MDM4: variants seen among roughly 807,000 people sequenced by gnomAD.
MDM4 encodes protein Mdm4.
A neutral mutation model predicts 60.2 loss-of-function variants in MDM4; 2 were observed. That is an observed-to-expected ratio of 0.03 (90% CI 0.01 to 0.10). MDM4 has a LOEUF of 0.10. Ranked by LOEUF, MDM4 falls within the 10% of genes least tolerant of loss-of-function variation. MDM4 has a pLI of 1.00. For synonymous variants in MDM4, 202 were observed against 198.1 expected (o/e 1.02, Z -0.17); for missense variants, 447 against 577.5 (o/e 0.77, Z 2.32).
rs1474497547 is a variant in MDM4 at position 204,549,594 on chromosome 1, A to G, written c.1385A>G (p.His462Arg). Residue 462 changes from histidine (H) to arginine (R), a missense_variant, in exon 11 of 11, where the codon CAC (histidine) becomes CGC (arginine). This residue lies in a region of MDM4 where 26 missense variants were observed against 70.0 expected (regional missense o/e 0.37). Transcript: ENST00000367182. ...ACGGGCCATCTTGTCACTTGTTTTC[A>G]CTGTGCCAGAAGACTAAAGAAGGCT... ...GRTGHLVTCF[H>R]CARRLKKAGA... 2 of 1,612,882 alleles carry G rather than the reference A, an allele frequency of 1.2e-6. No individual in the cohort carries two copies. Among genetic ancestry groups the G allele is most frequent in the Admixed American group, 1.7e-5 (1 of 59,776 alleles).
chr1:204,532,773 G>T, intron 5 of MDM4: 1 of 1,609,820 alleles, frequency 6.2e-7, no homozygotes, highest in Non-Finnish European at 8.5e-7. Flanking sequence ...TTGAAGAAAT[G>T]GGTCATTTGT....
At chr1:204,545,774 A>C (rs1416964726) in intron 9 of MDM4, among the ~76,000 whole-genome samples, 3 of 152,122 alleles carry the variant, frequency 2.0e-5, no homozygotes, top group Non-Finnish European at 4.4e-5. Context: ...TGGTCCTTCC[A>C]CTTCAGCCTC....
chr1:204,522,430 GCT>G (rs1178412551), intron 1 of MDM4, among the ~76,000 whole-genome samples: 2 of 142,112 alleles, frequency 1.4e-5, no homozygotes, highest in Non-Finnish European at 3.0e-5. Context: ...AAACAATCTT[GCT>G]CTGTCACCAG....
chr1:204,537,550 G>A, intron 6 of MDM4, 53 bp downstream of exon 6: 1 of 1,297,634 alleles, frequency 7.7e-7, no homozygotes, highest in Non-Finnish European at 1.1e-6. Flanking sequence ...CCCCTTCTCT[G>A]TACCTATGGA....
Position 204,553,130 on chromosome 1 carries a change from C to T in MDM4, c.*3448C>T, listed in dbSNP as rs563689783. The T allele has an allele frequency of 1.8e-4, 32 of 177,098 alleles. No homozygotes were observed. Among genetic ancestry groups the T allele is most frequent in the African/African-American group, 7.1e-4 (30 of 42,370 alleles). The allele number at this position is 177,098 out of a possible 1,614,324, so 11.0% of individuals were successfully genotyped here. A position where few individuals can be genotyped will look rare whatever the true frequency, so the allele number is the denominator to read the frequency against. On this transcript the variant is annotated 3_prime_UTR_variant, in exon 11 of 11. Transcript: ENST00000367182. Reference sequence around the variant, plus strand: ...TCAGGTCATCCACCCACCTCAGCCTCGCAAAGTGCTGAGATTACAGGCATG... The same window carrying T: ...TCAGGTCATCCACCCACCTCAGCCTTGCAAAGTGCTGAGATTACAGGCATG...
chr1:204,533,915 T>A (rs1303388487), intron 5 of MDM4, among the ~76,000 whole-genome samples: 3 of 152,030 alleles, frequency 2.0e-5, no homozygotes, highest in Admixed American at 2.0e-4. Context: ...CCCAAATAGC[T>A]AGGACTATAG....
chr1:204,551,461 CTTTTTTTTTTTTTTTTTTTTT>C lies in MDM4; in HGVS notation c.*1788_*1808del, dbSNP rs56047802. On this transcript the variant is annotated 3_prime_UTR_variant, in exon 11 of 11. Transcript: ENST00000367182. ...ATACTGGATGGTTGAGAGGCAGCCT[CTTTTTTTTTTTTTTTTTTTTT>C]TTTTTTTTGGAGGATAGGGAGTATG... 1.2e-5 allele frequency: 1 copy of C among 84,100 alleles called. No homozygotes were observed. 5.2% of individuals were successfully genotyped at this position (84,100 alleles called of 1,614,324 possible).
chr1:204,548,429 G>A (rs1662877148), intron 10 of MDM4, among the ~76,000 whole-genome samples: 1 of 152,200 alleles, frequency 6.6e-6, no homozygotes, highest in Non-Finnish European at 1.5e-5. Flanking sequence ...GTCAAAGCCA[G>A]TTAACCGCAT....
rs71147703 is a variant in MDM4 at position 204,552,872 on chromosome 1, C to CTT, written c.*3205_*3206dup. 0.44 allele frequency: 58,629 copies of CTT among 133,132 alleles called. 10,667 individuals carry two copies. The highest frequency in any genetic ancestry group is 0.53 in the Non-Finnish European group (32,921 of 62,332). 8.2% of individuals were successfully genotyped at this position (133,132 alleles called of 1,614,324 possible). A position where few individuals can be genotyped will look rare whatever the true frequency, so the allele number is the denominator to read the frequency against. On this transcript the variant is annotated 3_prime_UTR_variant, in exon 11 of 11. Coordinates refer to ENST00000367182, the MANE Select transcript of MDM4 (RefSeq NM_002393.5). ...AACTTTAAACTATTTCTTTTCTTTT[C>CTT]TTTTTTTTTTTTTTTTACTTGAGAT... is the stretch of plus-strand genomic sequence containing the variant.
intron 9 of MDM4, 117 bp downstream of exon 9, chr1:204,544,801 T>A: frequency 1.0e-6 from 1 of 955,578 alleles, no homozygotes; most frequent in Non-Finnish European, 1.5e-6. Context: ...TTTTTAACTT[T>A]AATTAATTTT....
intron 5 of MDM4, chr1:204,532,682 A>G (rs1558320239): frequency 6.5e-6 from 9 of 1,383,366 alleles, no homozygotes; most frequent in East Asian, 4.7e-5. Flanking sequence ...AAGTCCACAC[A>G]TTGCCTTTGG....
intron 9 of MDM4, 46 bp downstream of exon 9, chr1:204,544,730 A>T (rs1333030940): frequency 6.4e-7 from 1 of 1,557,848 alleles, no homozygotes; most frequent in Admixed American, 1.7e-5. Context: ...GTGTGCTCAT[A>T]GTATCATCTG....
chr1:204,554,619 T>G lies in MDM4; in HGVS notation c.*4937T>G, dbSNP rs1003378608. The G allele has an allele frequency of 4.4e-6, 1 of 227,320 alleles. No individual in the cohort carries two copies. Among genetic ancestry groups the G allele is most frequent in the African/African-American group, 2.2e-5 (1 of 45,026 alleles). The allele number at this position is 227,320 out of a possible 1,614,324, so 14.1% of individuals were successfully genotyped here. A position where few individuals can be genotyped will look rare whatever the true frequency, so the allele number is the denominator to read the frequency against. On this transcript the variant is annotated 3_prime_UTR_variant, in exon 11 of 11. Transcript: ENST00000367182. ...TTATCAGACTTGTGAGTAAACAAGTTGAAGTTTAGCAGATGAGGGGGAATA... is the reference window on the plus strand; with the variant it reads ...TTATCAGACTTGTGAGTAAACAAGTGGAAGTTTAGCAGATGAGGGGGAATA...
In MDM4 at chr1:204,544,533, A is replaced by T; in HGVS notation, c.673-2A>T. 1 of 1,595,810 alleles carries T rather than the reference A, an allele frequency of 6.3e-7. No individual in the cohort carries two copies. Among genetic ancestry groups the T allele is most frequent in the Non-Finnish European group, 8.6e-7 (1 of 1,168,944 alleles). On this transcript the variant is annotated splice_acceptor_variant, in intron 8 of 10. Transcript: ENST00000367182. LOFTEE classifies it high-confidence loss of function. The stretch of plus-strand genomic sequence containing the variant: ...AACTCATGTTTGTTTTTTTTCTGTT[A>T]GGATGTGGGTACTGCCATTGTTTCA...
chr1:204,527,129 TA>T (rs71568035), intron 3 of MDM4, among the ~76,000 whole-genome samples: 4,970 of 141,932 alleles, frequency 0.035, 124 homozygotes, highest in African/African-American at 0.074. Context: ...ACCCTGTCTC[TA>T]AAAAAAAAAA....
At chr1:204,523,093 C>T (rs1659735334) in intron 1 of MDM4, among the ~76,000 whole-genome samples, 2 of 150,488 alleles carry the variant, frequency 1.3e-5, no homozygotes, top group Non-Finnish European at 1.5e-5. Flanking sequence ...GAACTCCTGA[C>T]CTCAGGTGAT....
At chr1:204,542,217 T>G (rs1662164982) in intron 7 of MDM4, among the ~76,000 whole-genome samples, 1 of 152,226 alleles carries the variant, frequency 6.6e-6, no homozygotes, top group Non-Finnish European at 1.5e-5. Context: ...TGTTACCTAC[T>G]AAAACATACG....
At chr1:204,518,451 T>C (rs981290724) in intron 1 of MDM4, among the ~76,000 whole-genome samples, 1 of 152,260 alleles carries the variant, frequency 6.6e-6, no homozygotes, top group Non-Finnish European at 1.5e-5. Flanking sequence ...ATTTGACTTA[T>C]TAACTGCTTG....
At chr1:204,525,628 G>GTT (rs139769069) in intron 2 of MDM4, 32 bp downstream of exon 2, 2,994 of 1,097,364 alleles carry the variant, frequency 2.7e-3, no homozygotes, top group Non-Finnish European at 3.1e-3. Flanking sequence ...TAGTTTTTTG[G>GTT]TTTTTTTTTT....
Sources: gnomAD v4.1 joint callset for allele counts (sites outside exome capture counted in the v4.1 genomes callset) on GRCh38, gnomAD v4.1.1 for gene constraint, gnomAD v4.1.1 regional missense constraint, MANE v1.5 for transcripts, NCBI Gene and HGNC (gene_info 2026-07-23, HGNC 2026-07-21) for gene names.